SACM1L: variants seen among roughly 807,000 people sequenced by gnomAD.
SACM1L encodes the protein phosphatidylinositol-3-phosphatase SAC1.
SACM1L carries 32 observed loss-of-function variants against 89.5 expected under a neutral mutation model. The ratio of observed to expected loss-of-function variants is 0.36; its 90% CI spans 0.27 to 0.48. The LOEUF (loss-of-function observed/expected upper bound fraction) is 0.48. Among genes scored for constraint, SACM1L ranks in the 20% least tolerant of loss-of-function variants. SACM1L has a pLI of 0.99. For missense variants in SACM1L, 543 were observed against 708.5 expected (o/e 0.77, Z 2.65); for synonymous variants, 213 against 232.8 (o/e 0.92, Z 0.77).
At chr3:45,700,238 A>G (rs1259497339) in intron 1 of SACM1L, among the ~76,000 whole-genome samples, 2 of 152,238 alleles carry the variant, frequency 1.3e-5, no homozygotes, top group Admixed American at 1.3e-4. Flanking sequence ...TGTTAAAAAT[A>G]GCATTAGTTA....
chr3:45,714,256 A>G (rs1451111084), intron 7 of SACM1L, among the ~76,000 whole-genome samples, 177 bp downstream of exon 7: 1 of 143,774 alleles, frequency 7.0e-6, no homozygotes, highest in African/African-American at 2.6e-5. Flanking sequence ...TTTTTTTTTT[A>G]GAATGAACTT....
In SACM1L at chr3:45,689,408, G is replaced by A. The variant is rs1403013490; in HGVS notation, c.-58G>A. On this transcript the variant is annotated 5_prime_UTR_variant, in exon 1 of 20. Transcript: ENST00000389061. ...CAGGGTGACCGGTAGAGTTGTAGCCGAGGTGGCGGCGCGGGGCGGGGCGGG... is the reference window on the plus strand; with the variant it reads ...CAGGGTGACCGGTAGAGTTGTAGCCAAGGTGGCGGCGCGGGGCGGGGCGGG... 6 of 1,553,918 alleles carry A rather than the reference G, an allele frequency of 3.9e-6. No homozygotes were observed. In the Admixed American group the frequency reaches 5.9e-5, roughly 15 times the overall value.
intron 14 of SACM1L, chr3:45,737,362 C>T (rs903982815): frequency 2.8e-5 from 16 of 566,850 alleles, no homozygotes; most frequent in South Asian, 4.6e-5. Context: ...CAAGGGAGTG[C>T]GGGGGCTGCA....
intron 1 of SACM1L, among the ~76,000 whole-genome samples, chr3:45,696,762 A>C (rs1444678864): frequency 6.6e-6 from 1 of 152,156 alleles, no homozygotes; most frequent in Non-Finnish European, 1.5e-5. Context: ...TTTTAAAGAG[A>C]TCAGTTGTCT....
intron 2 of SACM1L, among the ~76,000 whole-genome samples, chr3:45,704,906 A>G (rs1698352177): frequency 6.6e-6 from 1 of 152,226 alleles, no homozygotes; most frequent in African/African-American, 2.4e-5. Context: ...CTTCCATGAA[A>G]AAACCTAACA....
intron 18 of SACM1L, among the ~76,000 whole-genome samples, chr3:45,739,273 C>A (rs961749422): frequency 1.3e-5 from 2 of 152,144 alleles, no homozygotes; most frequent in Non-Finnish European, 2.9e-5. Context: ...ATTTTCTTTC[C>A]AGTGTGTCAA....
intron 1 of SACM1L, among the ~76,000 whole-genome samples, chr3:45,700,477 T>C (rs1340813797): frequency 6.6e-6 from 1 of 151,992 alleles, no homozygotes; most frequent in Non-Finnish European, 1.5e-5. Context: ...ATAGGAGCAG[T>C]GGTGATGGCT....
chr3:45,743,539 C>T lies in SACM1L; in HGVS notation c.1634C>T (p.Thr545Ile), dbSNP rs749006876. 2 of 1,609,094 alleles carry T rather than the reference C, an allele frequency of 1.2e-6. No homozygotes were observed. The highest frequency in any genetic ancestry group is 4.5e-5 in the East Asian group (2 of 44,788). The stretch of plus-strand genomic sequence containing the variant: ...TGTTTCTTAATATCAACAGGTGACA[C>T]TTGGACAGAAACACTGGCCTATGTG... The part of the protein sequence containing the change: ...CIICLLMAGD[T>I]WTETLAYVLF... Residue 545 changes from threonine to isoleucine, a missense_variant, in exon 20 of 20, where the codon ACT becomes ATT. Around this residue, in one of 2 missense-constraint regions of SACM1L, gnomAD observed 370 missense variants for 527.6 expected, o/e 0.70. Transcript: ENST00000389061.
In SACM1L at chr3:45,738,773, T is replaced by C; in HGVS notation, c.1477-8T>C. Reference sequence around the variant, plus strand: ...CTGAGTTTACGAATTTCTTCCTTTCTGTTCTAGGATTCCATAGACTTATTT... The same window carrying C: ...CTGAGTTTACGAATTTCTTCCTTTCCGTTCTAGGATTCCATAGACTTATTT... On this transcript the variant is annotated splice_polypyrimidine_tract_variant and splice_region_variant and intron_variant, in intron 17 of 19. Coordinates refer to ENST00000389061, the MANE Select transcript of SACM1L (RefSeq NM_014016.5). 1 of 1,592,468 alleles carries C rather than the reference T, an allele frequency of 6.3e-7. No homozygotes were observed. Among genetic ancestry groups the C allele is most frequent in the Non-Finnish European group, 8.6e-7 (1 of 1,160,960 alleles).
At chr3:45,730,711 T>C (rs1404001148) in intron 11 of SACM1L, 1 of 152,288 alleles carries the variant, frequency 6.6e-6, no homozygotes, top group Non-Finnish European at 1.5e-5. Flanking sequence ...ATGGCTGCTT[T>C]TGAAAGTCCT....
intron 6 of SACM1L, chr3:45,713,597 C>T (rs891774224): frequency 6.0e-6 from 1 of 167,114 alleles, no homozygotes; most frequent in Admixed American, 6.3e-5. Flanking sequence ...CTCTTCTGTC[C>T]TTTGTCTACA....
chr3:45,731,473 C>A, intron 12 of SACM1L, 93 bp downstream of exon 12: 1 of 709,990 alleles, frequency 1.4e-6, no homozygotes, highest in Non-Finnish European at 2.2e-6. Flanking sequence ...ACATATGTTT[C>A]AGCTTGCATT....
At chr3:45,708,484 CTT>C (rs1559540422) in intron 4 of SACM1L, among the ~76,000 whole-genome samples, 1 of 151,942 alleles carries the variant, frequency 6.6e-6, no homozygotes, top group African/African-American at 2.4e-5. Context: ...AAACATATAA[CTT>C]AGGATAAACA....
chr3:45,705,082 T>C, intron 2 of SACM1L, 53 bp from the exon 3 acceptor site: 1 of 1,178,734 alleles, frequency 8.5e-7, no homozygotes, highest in Non-Finnish European at 1.2e-6. Context: ...AATTTCTGTT[T>C]CTGTTGGTGA....
In SACM1L at chr3:45,743,514, T is replaced by G; in HGVS notation, c.1628-19T>G. On this transcript the variant is annotated intron_variant, in intron 19 of 19. Coordinates refer to ENST00000389061, the MANE Select transcript of SACM1L (RefSeq NM_014016.5). ...TCAACAAACGACTTATTTAGCTTTT[T>G]GTTTCTTAATATCAACAGGTGACAC... The G allele has an allele frequency of 6.3e-7, 1 of 1,594,082 alleles. No individual in the cohort carries two copies. Among genetic ancestry groups the G allele is most frequent in the Non-Finnish European group, 8.5e-7 (1 of 1,172,910 alleles).
chr3:45,727,541 A>G (rs1698950367), intron 11 of SACM1L, among the ~76,000 whole-genome samples: 1 of 151,962 alleles, frequency 6.6e-6, no homozygotes, highest in African/African-American at 2.4e-5. Context: ...TAAATTCTCT[A>G]TTTTCTTATT....
In SACM1L at chr3:45,714,061, C is replaced by A; in HGVS notation, c.559C>A (p.Leu187Ile). The change falls in exon 7 of 20, where the codon CTT becomes ATT. Residue 187 changes from leucine to isoleucine, a missense_variant. Coordinates refer to ENST00000389061, the MANE Select transcript of SACM1L (RefSeq NM_014016.5). ...TTCATTTCAGGTTCATCGGTTTGCC[C>A]TTCCAGTGTTACATGGCTGTATCCT... ...SAQPEVHRFA[L>I]PVLHGFITMH... 2 of 1,547,442 alleles carry A rather than the reference C, an allele frequency of 1.3e-6. No individual in the cohort carries two copies. Among genetic ancestry groups the A allele is most frequent in the Non-Finnish European group, 1.8e-6 (2 of 1,134,002 alleles).
rs1699377745 is a variant in SACM1L, at chr3:45,744,223, A to G, written c.*554A>G. On this transcript the variant is annotated 3_prime_UTR_variant, in exon 20 of 20. Transcript: ENST00000389061. Reference sequence around the variant, plus strand: ...ACAGTCTGTGACTTCATGATAGGAAAGAGGAGGATGAGGTCTGGGGTTCTT... The same window carrying G: ...ACAGTCTGTGACTTCATGATAGGAAGGAGGAGGATGAGGTCTGGGGTTCTT... 1 of 152,340 alleles carries G rather than the reference A, an allele frequency of 6.6e-6. No homozygotes were observed. Among genetic ancestry groups the G allele is most frequent in the Admixed American group, 6.5e-5 (1 of 15,286 alleles). 9.4% of individuals were successfully genotyped at this position (152,340 alleles called of 1,614,324 possible). A position where few individuals can be genotyped will look rare whatever the true frequency, so the allele number is the denominator to read the frequency against.
intron 4 of SACM1L, among the ~76,000 whole-genome samples, chr3:45,707,734 T>C (rs1698430856): frequency 6.6e-6 from 1 of 152,152 alleles, no homozygotes; most frequent in Non-Finnish European, 1.5e-5. Context: ...AAGGAAACCT[T>C]GGAGATATTT....
Sources: gnomAD v4.1 joint callset for allele counts (sites outside exome capture counted in the v4.1 genomes callset) on GRCh38, gnomAD v4.1.1 for gene constraint, gnomAD v4.1.1 regional missense constraint, MANE v1.5 for transcripts, NCBI Gene and HGNC (gene_info 2026-07-23, HGNC 2026-07-21) for gene names.